CTNNA2: variants seen among roughly 807,000 people sequenced by gnomAD.
CTNNA2 encodes catenin alpha 2.
In CTNNA2, 42 loss-of-function variants were observed where a neutral mutation model predicts 101.0. The ratio of observed to expected loss-of-function variants is 0.42; its 90% CI spans 0.32 to 0.54. CTNNA2 has a LOEUF of 0.54. Among genes scored for constraint, CTNNA2 ranks in the 20% least tolerant of loss-of-function variants. The pLI, the probability that CTNNA2 is intolerant of heterozygous loss-of-function variation, is 0.14. For synonymous variants in CTNNA2, 450 were observed against 456.4 expected, an observed-to-expected ratio of 0.99 and a Z score of 0.18; for missense variants, 871 against 1,223.1, an observed-to-expected ratio of 0.71 and a Z score of 4.29.
chr2:80,434,485 C>CTTTTT (rs1169944635), intron 9 of CTNNA2, among the ~76,000 whole-genome samples: 4 of 89,962 alleles, frequency 4.4e-5, no homozygotes, highest in African/African-American at 1.5e-4. Flanking sequence ...TTCTGTGTCT[C>CTTTTT]TTTTTTTTTT....
chr2:79,287,085 G>A (rs902613436), intron 2 of CTNNA2, among the ~76,000 whole-genome samples: 27 of 152,102 alleles, frequency 1.8e-4, no homozygotes, highest in African/African-American at 5.1e-4. Context: ...CGTAGTTCTC[G>A]AGCCTTGGTT....
chr2:79,539,771 C>T (rs1390293982), intron 1 of CTNNA2, among the ~76,000 whole-genome samples: 1 of 152,114 alleles, frequency 6.6e-6, no homozygotes, highest in Non-Finnish European at 1.5e-5. Flanking sequence ...ACTTCCACAT[C>T]AATAAATGAG....
In CTNNA2 at chr2:80,007,423, A is replaced by G. The variant is rs150296659; in HGVS notation, c.1056+97626A>G. Among the ~76,000 whole-genome samples the G allele has an allele frequency of 4.8e-3, 736 of 152,202 alleles. 5 individuals carry two copies. Among genetic ancestry groups the G allele is most frequent in the African/African-American group, 0.016 (681 of 41,528 alleles). On this transcript the variant is annotated intron_variant, in intron 7 of 18. Transcript: ENST00000402739. ...AACAGGATATGAGTTTACATGCTTT[A>G]CTTTAAATCTGATTAGTAGCAACTA...
At chr2:80,151,832 C>G (rs978247683) in intron 7 of CTNNA2, among the ~76,000 whole-genome samples, 6 of 152,358 alleles carry the variant, frequency 3.9e-5, no homozygotes, top group African/African-American at 1.4e-4. Flanking sequence ...GCCAGTGCTG[C>G]CTCTTCTGCT....
intron 7 of CTNNA2, among the ~76,000 whole-genome samples, chr2:80,281,967 T>G (rs1315070153): frequency 6.6e-6 from 1 of 151,994 alleles, no homozygotes; most frequent in Admixed American, 6.6e-5. Flanking sequence ...ATTTTCACCT[T>G]GGAATAATAG....
At chr2:80,241,129 G>C (rs979801738) in intron 7 of CTNNA2, among the ~76,000 whole-genome samples, 11 of 152,072 alleles carry the variant, frequency 7.2e-5, no homozygotes, top group Admixed American at 1.3e-4. Context: ...CACATTTAAA[G>C]GGCCAGTTGT....
intron 9 of CTNNA2, among the ~76,000 whole-genome samples, chr2:80,476,253 C>T (rs1168949450): frequency 1.3e-5 from 2 of 152,166 alleles, no homozygotes; most frequent in East Asian, 1.9e-4. Context: ...CTCTCGGGGA[C>T]ACTCTCTCAT....
At chr2:79,468,868 G>A (rs966358968) in intron 4 of CTNNA2, among the ~76,000 whole-genome samples, 5 of 152,094 alleles carry the variant, frequency 3.3e-5, no homozygotes, top group Non-Finnish European at 2.9e-5. Context: ...TCTCTGGGAC[G>A]CATTGAAAGC....
chr2:80,221,534 C>T (rs997834110), intron 7 of CTNNA2, among the ~76,000 whole-genome samples: 3 of 152,174 alleles, frequency 2.0e-5, no homozygotes, highest in East Asian at 1.9e-4. Flanking sequence ...ACCAATTCAG[C>T]GACTATACTA....
At chr2:79,722,286 G>A (rs1418396141) in intron 2 of CTNNA2, among the ~76,000 whole-genome samples, 1 of 152,076 alleles carries the variant, frequency 6.6e-6, no homozygotes, top group Non-Finnish European at 1.5e-5. Context: ...TATGAAAATG[G>A]GCCAGCCAAA....
intron 4 of CTNNA2, among the ~76,000 whole-genome samples, chr2:79,859,407 T>C (rs1681407886): frequency 6.6e-6 from 1 of 152,130 alleles, no homozygotes; most frequent in Admixed American, 6.5e-5. Context: ...CAAAAAACCT[T>C]GGGCAGGATC....
chr2:79,736,592 G>GT (rs1351088991), intron 2 of CTNNA2, among the ~76,000 whole-genome samples: 3 of 152,096 alleles, frequency 2.0e-5, no homozygotes, highest in African/African-American at 2.4e-5. Flanking sequence ...TAAATAGAGT[G>GT]TTTTTTGTAA....
intron 7 of CTNNA2, among the ~76,000 whole-genome samples, chr2:79,973,214 A>G (rs1690606968): frequency 6.6e-6 from 1 of 151,644 alleles, no homozygotes; most frequent in Non-Finnish European, 1.5e-5. Context: ...TCTCTTGGTT[A>G]TTTTTTTCCC....
intron 7 of CTNNA2, among the ~76,000 whole-genome samples, chr2:80,055,013 T>C (rs1402064865): frequency 6.6e-6 from 1 of 152,118 alleles, no homozygotes; most frequent in African/African-American, 2.4e-5. Context: ...TGATTTTTGG[T>C]ACTTTTGACA....
At chr2:80,330,091 C>T (rs189099282) in intron 7 of CTNNA2, among the ~76,000 whole-genome samples, 222 of 152,328 alleles carry the variant, frequency 1.5e-3, no homozygotes, top group African/African-American at 5.2e-3. Flanking sequence ...CAAACTTCTT[C>T]ATTTGTTTGG....
At chr2:79,190,704 G>A (rs1420325000) in intron 1 of CTNNA2, among the ~76,000 whole-genome samples, 1 of 152,122 alleles carries the variant, frequency 6.6e-6, no homozygotes, top group Admixed American at 6.6e-5. Flanking sequence ...GGGCACCAGT[G>A]AGAGGACACA....
chr2:80,462,637 T>TTTC (rs960390205), intron 9 of CTNNA2, among the ~76,000 whole-genome samples: 1 of 141,756 alleles, frequency 7.1e-6, no homozygotes, highest in African/African-American at 2.8e-5. Context: ...CTTTCTTTTT[T>TTTC]TTTTTTTTTT....
chr2:79,215,353 T>C (rs908805191), intron 2 of CTNNA2, among the ~76,000 whole-genome samples: 1 of 152,146 alleles, frequency 6.6e-6, no homozygotes, highest in Non-Finnish European at 1.5e-5. Flanking sequence ...TCTTGTGTGC[T>C]GGAGATGTGG....
rs575482616 is a variant in CTNNA2, at chr2:79,866,497, T to C, written c.466-3319T>C. On this transcript the variant is annotated intron_variant, in intron 4 of 18. Transcript: ENST00000402739. The stretch of plus-strand genomic sequence containing the variant: ...CTTTATGTCAGCTCATTAGAAATCA[T>C]TTCCCAATCCAGGACATAAGTGTCT... 5 of 152,292 alleles carry C rather than the reference T, an allele frequency of 3.3e-5. No individual in the cohort carries two copies. The South Asian group carries it at 1.0e-3, about 32-fold the overall frequency. The allele number at this position is 152,292 out of a possible 1,614,324, so 9.4% of individuals were successfully genotyped here. A position where few individuals can be genotyped will look rare whatever the true frequency, so the allele number is the denominator to read the frequency against.
Sources: allele counts gnomAD v4.1 joint callset (sites outside exome capture counted in the v4.1 genomes callset), GRCh38; gene constraint gnomAD v4.1.1; transcripts MANE v1.5; gene names NCBI Gene and HGNC (gene_info 2026-07-23, HGNC 2026-07-21).